ADM2: variants seen among roughly 807,000 people sequenced by gnomAD.
The protein encoded by ADM2 is protein ADM2.
A neutral mutation model predicts 7.1 loss-of-function variants in ADM2; 5 were observed. That is an observed-to-expected ratio of 0.71 (90% CI 0.37 to 1.49). ADM2 has a LOEUF of 1.49. Ranked by LOEUF, ADM2 falls within the 40% of genes most tolerant of loss-of-function variation. The pLI is 0.03. For missense variants in ADM2, 236 were observed against 211.2 expected, an observed-to-expected ratio of 1.12 and a Z score of -0.73; for synonymous variants, 123 against 92.8, an observed-to-expected ratio of 1.33 and a Z score of -1.87.
At chr22:50,481,981 C>G (rs533042693) in intron 2 of ADM2, 24 bp downstream of exon 2, 168 of 1,524,150 alleles carry the variant, frequency 1.1e-4, no homozygotes, top group Non-Finnish European at 1.4e-4. Context: ...TTGGGCCAGC[C>G]AACCCCTCTG....
At chr22:50,482,520 C>T (rs2068208325) in intron 2 of ADM2, 47 bp from the exon 3 acceptor site, 2 of 1,443,440 alleles carry the variant, frequency 1.4e-6, no homozygotes. Flanking sequence ...TGTGAGTTCT[C>T]CAAAAGGCTG....
chr22:50,482,044 G>T (rs1250885282), intron 2 of ADM2, 87 bp downstream of exon 2: 4 of 1,200,756 alleles, frequency 3.3e-6, no homozygotes, highest in South Asian at 2.7e-5. Flanking sequence ...CTCCCTCCAC[G>T]CCTCCACCTG....
Position 50,483,476 on chromosome 22 carries a change from G to A in ADM2, c.*573G>A. The A allele has an allele frequency of 2.8e-6, 1 of 352,506 alleles. No homozygotes were observed. Among genetic ancestry groups the A allele is most frequent in the Non-Finnish European group, 5.7e-6 (1 of 176,266 alleles). 21.8% of individuals were successfully genotyped at this position (352,506 alleles called of 1,614,324 possible). A position where few individuals can be genotyped will look rare whatever the true frequency, so the allele number is the denominator to read the frequency against. On this transcript the variant is annotated 3_prime_UTR_variant, in exon 3 of 3. Coordinates refer to ENST00000395737, the MANE Select transcript of ADM2 (RefSeq NM_001253845.2). ...TGAAGGGACCTCTGTGGCTCCAGCTGCCAACCCTGGAGCCCAGACCGAGGT... is the reference window on the plus strand; with the variant it reads ...TGAAGGGACCTCTGTGGCTCCAGCTACCAACCCTGGAGCCCAGACCGAGGT...
rs1466211633 is a variant in ADM2, at chr22:50,482,724, TCGGGCCCCCGAAGA to T, written c.270_283del (p.Gly91LeufsTer81). The stretch of plus-strand genomic sequence containing the variant: ...TCTCCGGGATGGTGGCCGCCAACAC[TCGGGCCCCCGAAGA>T]CACTCGGGCCCCCGCAGGACCCAAG... On this transcript the variant is annotated frameshift_variant, in exon 3 of 3. Transcript: ENST00000395737. LOFTEE classifies it high-confidence loss of function. 3 of 1,280,934 alleles carry T rather than the reference TCGGGCCCCCGAAGA, an allele frequency of 2.3e-6. No homozygotes were observed. The African/African-American group carries it at 5.0e-5, about 21-fold the overall frequency. The allele number at this position is 1,280,934 out of a possible 1,614,324, so 79.3% of individuals were successfully genotyped here.
Position 50,483,029 on chromosome 22 carries a change from T to C in ADM2, c.*126T>C, listed in dbSNP as rs971022877. 1.3e-5 allele frequency: 18 copies of C among 1,434,682 alleles called. No individual in the cohort carries two copies. The African/African-American group carries it at 2.0e-4, about 16-fold the overall frequency. The allele number at this position is 1,434,682 out of a possible 1,614,324, so 88.9% of individuals were successfully genotyped here. A position where few individuals can be genotyped will look rare whatever the true frequency, so the allele number is the denominator to read the frequency against. ...CAGACAGCAGGTCCTGCAGCAACAA[T>C]ACCTGCACGGCTTTGCACACGTAAA... is the stretch of plus-strand genomic sequence containing the variant. On this transcript the variant is annotated 3_prime_UTR_variant, in exon 3 of 3. Coordinates refer to ENST00000395737, the MANE Select transcript of ADM2 (RefSeq NM_001253845.2).
chr22:50,482,645 C>T lies in ADM2; in HGVS notation c.189C>T (p.His63=), dbSNP rs767309991. ...PAPRPVVWKL[H]RALQAQRGAG... is the part of the protein sequence containing the mutation. ...CCCGACCTGTGGTCTGGAAGCTTCA[C>T]CGGGCCCTCCAGGCACAGAGGGGTG... Residue 63 remains histidine (H), a synonymous_variant, in exon 3 of 3, where the codon CAC becomes CAT. Transcript: ENST00000395737. The T allele has an allele frequency of 1.9e-6, 3 of 1,554,220 alleles. No individual in the cohort carries two copies. Among genetic ancestry groups the T allele is most frequent in the Non-Finnish European group, 2.6e-6 (3 of 1,148,346 alleles).
chr22:50,482,937 C>T lies in ADM2; in HGVS notation c.*34C>T. 6.4e-7 allele frequency: 1 copy of T among 1,555,432 alleles called. No individual in the cohort carries two copies. The highest frequency in any genetic ancestry group is 8.7e-7 in the Non-Finnish European group (1 of 1,156,032). ...CGGGCCACACCCCTGCCCATCCCAG[C>T]CAGGGTGCTGTGCCCCCGTCCAGAG... is the stretch of plus-strand genomic sequence containing the variant. On this transcript the variant is annotated 3_prime_UTR_variant, in exon 3 of 3. Transcript: ENST00000395737.
chr22:50,482,696 G>A lies in ADM2; in HGVS notation c.240G>A (p.Gln80=). ...CCGGCCTGGCCCCTGTTATGGGTCA[G>A]CCTCTCCGGGATGGTGGCCGCCAAC... ...RGAGLAPVMG[Q]PLRDGGRQHS... is the part of the protein sequence containing the mutation. Residue 80 remains glutamine, a synonymous_variant, in exon 3 of 3, where the codon CAG becomes CAA. Transcript: ENST00000395737. 4 of 1,604,684 alleles carry A rather than the reference G, an allele frequency of 2.5e-6. No homozygotes were observed. The highest frequency in any genetic ancestry group is 3.4e-6 in the Non-Finnish European group (4 of 1,175,510).
Position 50,481,895 on chromosome 22 carries a change from C to G in ADM2, c.48C>G (p.Cys16Trp), listed in dbSNP as rs200343776. 1.8e-3 allele frequency: 2,690 copies of G among 1,530,794 alleles called. 6 individuals carry two copies. The highest frequency in any genetic ancestry group is 3.3e-3 in the Admixed American group (166 of 50,654). The allele number at this position is 1,530,794 out of a possible 1,614,324, so 94.8% of individuals were successfully genotyped here. ...CCCTGGGTTGCATCAGCCTCCTCTG[C>G]CTGCAGCTCCCTGGCTCGCTGTCCC... ...TAALGCISLL[C>W]LQLPGSLSRS... is the part of the protein sequence containing the mutation. Residue 16 changes from cysteine to tryptophan, a missense_variant, in exon 2 of 3, where the codon TGC becomes TGG. Transcript: ENST00000395737.
At position 50,481,862 on chromosome 22, in the gene ADM2, G is replaced by A. The variant is rs1004039301; in HGVS notation, c.15G>A (p.Pro5=). Residue 5 remains proline (P), a synonymous_variant, in exon 2 of 3, where the codon CCG becomes CCA. Coordinates refer to ENST00000395737, the MANE Select transcript of ADM2 (RefSeq NM_001253845.2). MARI[P]TAALGCISLL... ...CCCCGCCCGCCATGGCCCGGATCCC[G>A]ACGGCCGCCCTGGGTTGCATCAGCC... The A allele has an allele frequency of 4.6e-6, 7 of 1,505,898 alleles. No homozygotes were observed. Among genetic ancestry groups the A allele is most frequent in the East Asian group, 2.8e-5 (1 of 35,390 alleles). The allele number at this position is 1,505,898 out of a possible 1,614,324, so 93.3% of individuals were successfully genotyped here.
chr22:50,483,355 C>T lies in ADM2; in HGVS notation c.*452C>T. The stretch of plus-strand genomic sequence containing the variant: ...GTTCCTGCTCTCATGCACAACCAGC[C>T]CTTCCACGTGCCTGCCTGTGGGACA... On this transcript the variant is annotated 3_prime_UTR_variant, in exon 3 of 3. Transcript: ENST00000395737. 2.3e-6 allele frequency: 1 copy of T among 439,050 alleles called. No homozygotes were observed. The allele number at this position is 439,050 out of a possible 1,614,324, so 27.2% of individuals were successfully genotyped here.
chr22:50,482,891 C>G lies in ADM2; in HGVS notation c.435C>G (p.His145Gln), dbSNP rs555246517. 9.4e-6 allele frequency: 15 copies of G among 1,597,772 alleles called. No homozygotes were observed. The African/African-American group carries it at 1.9e-4, about 20-fold the overall frequency. The change falls in exon 3 of 3, where the codon CAC (histidine) becomes CAG (glutamine). Residue 145 changes from histidine (H) to glutamine (Q), a missense_variant. Coordinates refer to ENST00000395737, the MANE Select transcript of ADM2 (RefSeq NM_001253845.2). ...DSAPVDPSSPHSYG is the reference protein window; with the variant it reads ...DSAPVDPSSPQSYG ...CTCCTGTGGACCCCAGCAGCCCCCA[C>G]AGCTATGGCTGAGGTGGGGCCGGGC... is the stretch of plus-strand genomic sequence containing the variant.
rs2068208177 is a variant in ADM2 at position 50,482,497 on chromosome 22, A to T, written c.111-70A>T. The T allele has an allele frequency of 4.2e-6, 6 of 1,433,138 alleles. No homozygotes were observed. In the South Asian group the frequency reaches 9.1e-5, roughly 22 times the overall value. The allele number at this position is 1,433,138 out of a possible 1,614,324, so 88.8% of individuals were successfully genotyped here. ...CAGTGACCCAGGCCTGTGTAGAGGC[A>T]AAAGTGGGCAGGTGTGAGTTCTCCA... On this transcript the variant is annotated intron_variant, in intron 2 of 2. Coordinates refer to ENST00000395737, the MANE Select transcript of ADM2 (RefSeq NM_001253845.2).
chr22:50,481,902 C>T lies in ADM2; in HGVS notation c.55C>T (p.Leu19Phe). Residue 19 changes from leucine (L) to phenylalanine (F), a missense_variant, in exon 2 of 3, where the codon CTC (leucine) becomes TTC (phenylalanine). Leu to Phe is a conservative substitution (Grantham distance 22). Coordinates refer to ENST00000395737, the MANE Select transcript of ADM2 (RefSeq NM_001253845.2). ...TTGCATCAGCCTCCTCTGCCTGCAG[C>T]TCCCTGGCTCGCTGTCCCGCAGCCT... ...LGCISLLCLQ[L>F]PGSLSRSLGG... 1.3e-6 allele frequency: 2 copies of T among 1,533,520 alleles called. No individual in the cohort carries two copies. The highest frequency in any genetic ancestry group is 1.7e-6 in the Non-Finnish European group (2 of 1,142,924). 95.0% of individuals were successfully genotyped at this position (1,533,520 alleles called of 1,614,324 possible).
Position 50,481,610 on chromosome 22 carries a change from C to T in ADM2, c.-165C>T. The stretch of plus-strand genomic sequence containing the variant: ...GCGACTCCGCTCCAGGCAGGACCCC[C>T]AACCCGCCCAGCCCGCTCCGCCTTG... On this transcript the variant is annotated 5_prime_UTR_variant, in exon 1 of 3. Transcript: ENST00000395737. 7.9e-6 allele frequency: 2 copies of T among 252,038 alleles called. No individual in the cohort carries two copies. Among genetic ancestry groups the T allele is most frequent in the Non-Finnish European group, 1.5e-5 (2 of 134,246 alleles). 15.6% of individuals were successfully genotyped at this position (252,038 alleles called of 1,614,324 possible).
Position 50,482,952 on chromosome 22 carries a change from C to T in ADM2, c.*49C>T. 6.5e-7 allele frequency: 1 copy of T among 1,542,998 alleles called. No individual in the cohort carries two copies. Among genetic ancestry groups the T allele is most frequent in the Admixed American group, 1.9e-5 (1 of 51,636 alleles). ...CCCATCCCAGCCAGGGTGCTGTGCC[C>T]CCGTCCAGAGCTGCAGCTGAGCCCC... On this transcript the variant is annotated 3_prime_UTR_variant, in exon 3 of 3. Transcript: ENST00000395737.
chr22:50,481,701 G>T lies in ADM2; in HGVS notation c.-74G>T. 2.5e-6 allele frequency: 1 copy of T among 394,940 alleles called. No homozygotes were observed. Among genetic ancestry groups the T allele is most frequent in the South Asian group, 8.1e-5 (1 of 12,362 alleles). 24.5% of individuals were successfully genotyped at this position (394,940 alleles called of 1,614,324 possible). A position where few individuals can be genotyped will look rare whatever the true frequency, so the allele number is the denominator to read the frequency against. On this transcript the variant is annotated 5_prime_UTR_variant, in exon 1 of 3. Coordinates refer to ENST00000395737, the MANE Select transcript of ADM2 (RefSeq NM_001253845.2). ...TCGCGCCCGAGGCCTGCGCCCCGAC[G>T]GACGCCCGTGCCCAGCTTGCCACGC... is the stretch of plus-strand genomic sequence containing the variant.
intron 2 of ADM2, 73 bp downstream of exon 2, chr22:50,482,030 C>T (rs1459829563): frequency 1.8e-5 from 24 of 1,362,762 alleles, no homozygotes; most frequent in South Asian, 2.6e-5. Flanking sequence ...GCCGCGGGGC[C>T]GCCCTCCCTC....
In ADM2 at chr22:50,484,269, C is replaced by T. The variant is rs1244967912; in HGVS notation, c.*1366C>T. The T allele has an allele frequency of 1.3e-5, 2 of 152,460 alleles. No homozygotes were observed. Among genetic ancestry groups the T allele is most frequent in the East Asian group, 1.9e-4 (1 of 5,198 alleles). 9.4% of individuals were successfully genotyped at this position (152,460 alleles called of 1,614,324 possible). A position where few individuals can be genotyped will look rare whatever the true frequency, so the allele number is the denominator to read the frequency against. Reference sequence around the variant, plus strand: ...GCTGGTCCTGCCCTGTGGAGGCCTCCGTGCACTGAGAGATGTACTAGGATT... The same window carrying T: ...GCTGGTCCTGCCCTGTGGAGGCCTCTGTGCACTGAGAGATGTACTAGGATT... On this transcript the variant is annotated 3_prime_UTR_variant, in exon 3 of 3. Transcript: ENST00000395737.
Sources: gnomAD v4.1 joint callset for allele counts on GRCh38, gnomAD v4.1.1 for gene constraint, MANE v1.5 for transcripts, NCBI Gene and HGNC (gene_info 2026-07-23, HGNC 2026-07-21) for gene names.